The following TMED3 variants were observed in gnomAD, a reference collection of about 807,000 sequenced individuals.
The protein encoded by TMED3 is transmembrane emp24 domain-containing protein 3.
In TMED3, 9 loss-of-function variants were observed where a neutral mutation model predicts 15.0. The observed-to-expected ratio is 0.60, with a 90% CI of 0.36 to 1.04. The LOEUF (loss-of-function observed/expected upper bound fraction) is 1.04, where lower values mean the gene tolerates loss of function less well. Among genes scored for constraint, TMED3 ranks in the 50% least tolerant of loss-of-function variants. TMED3 has a pLI of 0.01. For synonymous variants in TMED3, 117 were observed against 121.4 expected, an observed-to-expected ratio of 0.96 and a Z score of 0.24; for missense variants, 267 against 278.9, an observed-to-expected ratio of 0.96 and a Z score of 0.30.
intron 2 of TMED3, among the ~76,000 whole-genome samples, chr15:79,353,450 T>C (rs1050347095): frequency 3.6e-5 from 5 of 138,422 alleles, no homozygotes; most frequent in African/African-American, 1.3e-4. Context: ...CAACAATAGC[T>C]AGTTAGAAAA....
chr15:79,374,894 G>A (rs1353645518), intron 2 of TMED3, among the ~76,000 whole-genome samples: 1 of 152,182 alleles, frequency 6.6e-6, no homozygotes, highest in Non-Finnish European at 1.5e-5. Context: ...AAATAGACTA[G>A]TGTACTTCAT....
chr15:79,396,782 T>G (rs1292147194), intron 2 of TMED3, among the ~76,000 whole-genome samples: 1 of 152,224 alleles, frequency 6.6e-6, no homozygotes, highest in Non-Finnish European at 1.5e-5. Context: ...GCAAGACACA[T>G]TCTGAGTTTC....
intron 2 of TMED3, among the ~76,000 whole-genome samples, chr15:79,319,731 A>G (rs777801032): frequency 3.3e-5 from 5 of 152,172 alleles, no homozygotes; most frequent in Non-Finnish European, 7.4e-5. Flanking sequence ...GCCATCTCCA[A>G]TGATTGGTAA....
In TMED3 at chr15:79,411,517, G is replaced by C. The variant is rs564700372; in HGVS notation, c.*13G>C. The C allele has an allele frequency of 2.7e-3, 1,928 of 701,788 alleles. 1 individual carries two copies. The highest frequency in any genetic ancestry group is 3.9e-3 in the Non-Finnish European group (1,494 of 384,816). The allele number at this position is 701,788 out of a possible 1,614,324, so 43.5% of individuals were successfully genotyped here. ...GGCACCCTCCTAACAGATTTTCAGC[G>C]GGGAGGCACTGAGAGTGGATGGAGG... On this transcript the variant is annotated 3_prime_UTR_variant, in exon 3 of 3. Coordinates refer to the TMED3 transcript ENST00000424155.
At chr15:79,396,582 T>C (rs1433305723) in intron 2 of TMED3, among the ~76,000 whole-genome samples, 3 of 152,222 alleles carry the variant, frequency 2.0e-5, no homozygotes, top group Non-Finnish European at 4.4e-5. Context: ...CCAGTGTAAG[T>C]GTTCCTAATG....
intron 2 of TMED3, among the ~76,000 whole-genome samples, chr15:79,342,552 G>A (rs1354758408): frequency 1.3e-5 from 2 of 152,134 alleles, no homozygotes; most frequent in African/African-American, 2.4e-5. Flanking sequence ...GTCCTTTGAA[G>A]TACAATATCA....
downstream of TMED3, among the ~76,000 whole-genome samples, chr15:79,324,870 A>C (rs751329755): frequency 2.0e-5 from 3 of 152,192 alleles, no homozygotes; most frequent in Non-Finnish European, 4.4e-5. Context: ...GCTATGTGCT[A>C]CTTGTGCCAT....
intron 2 of TMED3, among the ~76,000 whole-genome samples, chr15:79,359,398 A>G (rs1893080625): frequency 6.6e-6 from 1 of 151,886 alleles, no homozygotes; most frequent in Admixed American, 6.6e-5. Context: ...TGCCTGGCAA[A>G]TTTTTGTATT....
intron 2 of TMED3, among the ~76,000 whole-genome samples, chr15:79,349,598 T>C (rs1228901952): frequency 6.6e-6 from 1 of 152,198 alleles, no homozygotes; most frequent in Non-Finnish European, 1.5e-5. Context: ...CAACCCTCCC[T>C]AGGCCTCTGT....
At chr15:79,332,710 G>A (rs2058813957) in intron 2 of TMED3, among the ~76,000 whole-genome samples, 1 of 152,104 alleles carries the variant, frequency 6.6e-6, no homozygotes, top group Non-Finnish European at 1.5e-5. Flanking sequence ...CCAGGCCCAC[G>A]GACCTACCTG....
downstream of TMED3, among the ~76,000 whole-genome samples, chr15:79,326,182 CAG>C (rs751784421): frequency 2.0e-5 from 3 of 152,150 alleles, no homozygotes; most frequent in Non-Finnish European, 4.4e-5. Flanking sequence ...CACATTTATA[CAG>C]AGTTGTAAAA....
At chr15:79,321,893 G>A (rs2058768507) in intron 2 of TMED3, 85 bp from the exon 3 acceptor site, 1 of 1,494,204 alleles carries the variant, frequency 6.7e-7, no homozygotes, top group African/African-American at 1.4e-5. Context: ...TATCACCTAG[G>A]ATGTTGACAA....
chr15:79,350,626 G>C (rs1367419191), intron 2 of TMED3, among the ~76,000 whole-genome samples: 1 of 152,134 alleles, frequency 6.6e-6, no homozygotes, highest in African/African-American at 2.4e-5. Context: ...GCCTACCCAG[G>C]TTGAGGGTGG....
At position 79,321,480 on chromosome 15, in the gene TMED3, A is replaced by G. The variant is rs560519141; in HGVS notation, c.418-498A>G. Among the ~76,000 whole-genome samples, 144 of 152,362 alleles carry G rather than the reference A, an allele frequency of 9.5e-4. 1 individual carries two copies. The highest frequency in any genetic ancestry group is 3.3e-3 in the African/African-American group (138 of 41,572). ...TGTGTTTGTGTTTATACATAAAACT[A>G]TAGGCAGCAATTACATAATAGAATG... On this transcript the variant is annotated intron_variant, in intron 2 of 2. Transcript: ENST00000299705.
At chr15:79,403,426 T>C (rs1330448574) in intron 2 of TMED3, among the ~76,000 whole-genome samples, 1 of 152,058 alleles carries the variant, frequency 6.6e-6, no homozygotes, top group African/African-American at 2.4e-5. Context: ...GGACCCCTCC[T>C]TCCCTAAGGA....
intron 2 of TMED3, among the ~76,000 whole-genome samples, chr15:79,380,600 T>G (rs55655315): frequency 0.93 from 135,956 of 146,542 alleles, 63,125 homozygotes; most frequent in East Asian, 0.99. Context: ...TATATATATA[T>G]AGAGAGAGAG....
chr15:79,339,731 G>T (rs2058843204), intron 2 of TMED3, among the ~76,000 whole-genome samples: 2 of 151,972 alleles, frequency 1.3e-5, no homozygotes, highest in Non-Finnish European at 2.9e-5. Context: ...TGTTATGGTG[G>T]TGGTGATGAC....
intron 2 of TMED3, among the ~76,000 whole-genome samples, chr15:79,367,078 C>G (rs1053615575): frequency 1.3e-5 from 2 of 152,076 alleles, no homozygotes; most frequent in Non-Finnish European, 2.9e-5. Flanking sequence ...TTCTCCTGAC[C>G]CCAGCTGCTG....
chr15:79,337,687 C>T (rs577244633), intron 2 of TMED3, among the ~76,000 whole-genome samples: 111 of 152,322 alleles, frequency 7.3e-4, no homozygotes, highest in South Asian at 6.0e-3. Context: ...GGAACGTGCA[C>T]AGAAGATTCC....
Sources: gnomAD v4.1 joint callset for allele counts (sites outside exome capture counted in the v4.1 genomes callset) on GRCh38, gnomAD v4.1.1 for gene constraint, MANE v1.5 for transcripts, NCBI Gene and HGNC (gene_info 2026-07-23, HGNC 2026-07-21) for gene names.